SERINC5: variants seen among roughly 807,000 people sequenced by gnomAD.
The protein encoded by SERINC5 is serine incorporator 5.
In SERINC5, 41 loss-of-function variants were observed where a neutral mutation model predicts 63.1. The observed-to-expected ratio is 0.65, with a 90% CI of 0.51 to 0.84. The LOEUF (loss-of-function observed/expected upper bound fraction) is 0.84. Ranked by LOEUF, SERINC5 falls within the 40% of genes least tolerant of loss-of-function variation. The probability of loss-of-function intolerance (pLI) is 0.00; values close to 1 mark genes in which losing one functional copy is unlikely to be tolerated. For synonymous variants in SERINC5, 222 were observed against 215.2 expected (o/e 1.03, Z -0.28); for missense variants, 523 against 573.0 (o/e 0.91, Z 0.89).
intron 1 of SERINC5, among the ~76,000 whole-genome samples, chr5:80,229,986 C>CTAGCACTAGCA (rs1751366366): frequency 6.6e-6 from 1 of 152,182 alleles, no homozygotes; most frequent in Non-Finnish European, 1.5e-5. Flanking sequence ...AACCTAGTCA[C>CTAGCACTAGCA]TCCAAAGCAC....
rs1171071558 is a variant in SERINC5, at chr5:80,223,021, A to AT, written c.28-19969dup. Among the ~76,000 whole-genome samples, 5 of 151,464 alleles carry AT rather than the reference A, an allele frequency of 3.3e-5. No homozygotes were observed. The South Asian group carries it at 6.3e-4, about 19-fold the overall frequency. On this transcript the variant is annotated intron_variant, in intron 1 of 11. Coordinates refer to ENST00000507668, the MANE Select transcript of SERINC5 (RefSeq NM_001174072.3). ...ACTACTGTGCCAGAATGCCTGGCTAATTTTTTTTATTTTTTTATAGAGATG... is the reference window on the plus strand; with the variant it reads ...ACTACTGTGCCAGAATGCCTGGCTAATTTTTTTTTATTTTTTTATAGAGATG...
chr5:80,112,314 G>A (rs11948394), intron 12 of SERINC5, among the ~76,000 whole-genome samples: 5,167 of 152,260 alleles, frequency 0.034, 298 homozygotes, highest in African/African-American at 0.12. Context: ...GTGGAGAGAA[G>A]CATAAATCTG....
rs949167871 is a variant in SERINC5 at position 80,142,106 on chromosome 5, C to A, written c.*1557G>T. On this transcript the variant is annotated 3_prime_UTR_variant, in exon 12 of 12. Coordinates refer to ENST00000507668, the MANE Select transcript of SERINC5 (RefSeq NM_001174072.3). ...TAGGCTGAGCCTTTTATTCTTAGAT[C>A]CTCACTTACAGAGAGCTCGAGAAGA... 1.0e-6 allele frequency: 1 copy of A among 985,412 alleles called. No homozygotes were observed. The highest frequency in any genetic ancestry group is 1.7e-5 in the African/African-American group (1 of 57,360). 61.0% of individuals were successfully genotyped at this position (985,412 alleles called of 1,614,324 possible).
chr5:80,115,337 A>T (rs924031623), intron 11 of SERINC5, among the ~76,000 whole-genome samples: 1 of 151,920 alleles, frequency 6.6e-6, no homozygotes, highest in Admixed American at 6.6e-5. Flanking sequence ...CCTATCATCC[A>T]AGGTTGTCTC....
intron 5 of SERINC5, among the ~76,000 whole-genome samples, chr5:80,174,449 T>G (rs925752094): frequency 1.3e-5 from 2 of 151,564 alleles, no homozygotes; most frequent in Admixed American, 6.6e-5. Flanking sequence ...ATCTCCTGGT[T>G]GCCAGGCCCA....
At chr5:80,216,837 A>G (rs183098633) in intron 1 of SERINC5, among the ~76,000 whole-genome samples, 1 of 152,080 alleles carries the variant, frequency 6.6e-6, no homozygotes, top group East Asian at 1.9e-4. Context: ...ATAGTGAGAC[A>G]CTGTCTCTAC....
chr5:80,158,438 G>T, intron 8 of SERINC5: 1 of 180,542 alleles, frequency 5.5e-6, no homozygotes, highest in Non-Finnish European at 1.2e-5. Context: ...TCAGAAAGCT[G>T]CCAGGACATG....
chr5:80,169,781 A>G (rs1229116328), intron 5 of SERINC5, among the ~76,000 whole-genome samples: 1 of 152,206 alleles, frequency 6.6e-6, no homozygotes, highest in Non-Finnish European at 1.5e-5. Flanking sequence ...TTCTCTCAAC[A>G]ATGAGAGAAT....
At chr5:80,191,479 CAAAAAAAAAAAA>C (rs1167390197) in intron 2 of SERINC5, among the ~76,000 whole-genome samples, 5 of 38,540 alleles carry the variant, frequency 1.3e-4, no homozygotes, top group East Asian at 7.0e-4. Flanking sequence ...TCCATCTCTA[CAAAAAAAAAAAA>C]AAAAGAAAAA....
intron 1 of SERINC5, among the ~76,000 whole-genome samples, chr5:80,224,933 T>C: frequency 1.6e-5 from 1 of 64,042 alleles, no homozygotes; most frequent in South Asian, 4.1e-4. Flanking sequence ...GTTTTTTTTT[T>C]TGTTTTTTTT....
At chr5:80,229,811 G>A (rs563993535) in intron 1 of SERINC5, among the ~76,000 whole-genome samples, 37 of 152,296 alleles carry the variant, frequency 2.4e-4, no homozygotes, top group Admixed American at 1.9e-3. Context: ...CTACTTAAAT[G>A]CTCTGTGCCT....
intron 2 of SERINC5, among the ~76,000 whole-genome samples, chr5:80,189,575 T>G (rs1239421911): frequency 6.6e-6 from 1 of 152,206 alleles, no homozygotes; most frequent in Non-Finnish European, 1.5e-5. Context: ...TGGAAAGATA[T>G]CTCTTGAACA....
chr5:80,175,921 G>A (rs1748002701), intron 4 of SERINC5, among the ~76,000 whole-genome samples: 1 of 146,034 alleles, frequency 6.8e-6, no homozygotes, highest in Non-Finnish European at 1.5e-5. Context: ...GCTCACACCT[G>A]TAAATCCCAG....
At chr5:80,198,604 T>C in intron 2 of SERINC5, 1 of 985,378 alleles carries the variant, frequency 1.0e-6, no homozygotes, top group South Asian at 4.7e-5. Flanking sequence ...AGTCACAGTC[T>C]CAGGCACTTC....
rs529290624 is a variant in SERINC5 at position 80,158,697 on chromosome 5, G to C, written c.986+139C>G. On this transcript the variant is annotated intron_variant, in intron 8 of 11. Transcript: ENST00000507668. ...GAACGAAGTTCAAATATGAGTTCAC[G>C]CTCTTCGCCTTTTTACTTGTGGTTA... The C allele has an allele frequency of 5.4e-5, 40 of 739,952 alleles. No homozygotes were observed. In the East Asian group the frequency reaches 1.0e-3, roughly 19 times the overall value. 45.8% of individuals were successfully genotyped at this position (739,952 alleles called of 1,614,324 possible).
At chr5:80,221,431 A>G (rs560111468) in intron 1 of SERINC5, among the ~76,000 whole-genome samples, 118 of 152,294 alleles carry the variant, frequency 7.7e-4, no homozygotes, top group Non-Finnish European at 1.6e-3. Context: ...ATAACAGATA[A>G]GGGAATCATG....
At chr5:80,134,500 CAAAAT>C (rs1392225193), downstream of SERINC5, among the ~76,000 whole-genome samples, 3 of 151,982 alleles carry the variant, frequency 2.0e-5, no homozygotes, top group East Asian at 5.8e-4. Context: ...CAAAACAAAA[CAAAAT>C]AAACAACAAC....
intron 5 of SERINC5, among the ~76,000 whole-genome samples, chr5:80,171,169 C>T (rs748763671): frequency 1.3e-5 from 2 of 151,906 alleles, no homozygotes; most frequent in Non-Finnish European, 1.5e-5. Flanking sequence ...ACCACCATGC[C>T]GGGCTAATTT....
intron 2 of SERINC5, among the ~76,000 whole-genome samples, chr5:80,186,139 A>C (rs1337361204): frequency 7.2e-6 from 1 of 139,126 alleles, no homozygotes; most frequent in African/African-American, 3.2e-5. Context: ...AAAAAAAAAA[A>C]AAAAAAAAAA....
Sources: allele counts gnomAD v4.1 joint callset (sites outside exome capture counted in the v4.1 genomes callset), GRCh38; gene constraint gnomAD v4.1.1; transcripts MANE v1.5; gene names NCBI Gene and HGNC (gene_info 2026-07-23, HGNC 2026-07-21).